Variants in RBFOX1 observed in about 807,000 individuals in gnomAD.
The protein encoded by RBFOX1 is RNA binding protein fox-1 homolog 1.
A neutral mutation model predicts 57.7 loss-of-function variants in RBFOX1; 8 were observed. The observed-to-expected ratio is 0.14, with a 90% CI of 0.08 to 0.25. RBFOX1 has a LOEUF of 0.25. Among genes scored for constraint, RBFOX1 ranks in the 10% least tolerant of loss-of-function variants. The probability of loss-of-function intolerance (pLI) is 1.00; values close to 1 mark genes in which losing one functional copy is unlikely to be tolerated. For missense variants in RBFOX1, 611 were observed against 548.5 expected (o/e 1.11, Z -1.14); for synonymous variants, 326 against 222.4 (o/e 1.47, Z -4.15).
At chr16:7,261,485 G>A (rs562653133) in intron 4 of RBFOX1, among the ~76,000 whole-genome samples, 18 of 152,054 alleles carry the variant, frequency 1.2e-4, no homozygotes, top group South Asian at 2.1e-4. Context: ...GTCCCTTGTC[G>A]TCTCCCTGCC....
chr16:7,645,912 G>A lies in RBFOX1; in HGVS notation c.758-7903G>A, dbSNP rs760933720. ...CGTTTTGGTCTTTCTATCAGTGACC[G>A]AAAGGATGGAAGCTTTCTCCCCCAC... On this transcript the variant is annotated intron_variant, in intron 11 of 15. Coordinates refer to ENST00000550418, the MANE Select transcript of RBFOX1 (RefSeq NM_018723.4). 1.3e-3 allele frequency among the ~76,000 whole-genome samples: 204 copies of A among 151,430 alleles called. 2 individuals carry two copies. The highest frequency in any genetic ancestry group is 2.1e-3 in the Non-Finnish European group (140 of 67,892).
intron 4 of RBFOX1, among the ~76,000 whole-genome samples, chr16:7,474,764 T>A (rs2062289583): frequency 6.6e-6 from 1 of 152,194 alleles, no homozygotes; most frequent in Admixed American, 6.5e-5. Context: ...ACTTCTAGAA[T>A]GTCTGGTGAG....
At chr16:7,588,710 G>C (rs536530373) in intron 7 of RBFOX1, among the ~76,000 whole-genome samples, 58 of 152,288 alleles carry the variant, frequency 3.8e-4, no homozygotes, top group African/African-American at 1.4e-3. Flanking sequence ...AAGTGTCACA[G>C]GCCACATTGC....
chr16:5,713,153 T>C (rs920866584), intron 3 of RBFOX1, among the ~76,000 whole-genome samples: 5 of 152,232 alleles, frequency 3.3e-5, no homozygotes, highest in Admixed American at 3.3e-4. Flanking sequence ...TGCTTCTGGA[T>C]TTCTTGTTCT....
intron 3 of RBFOX1, among the ~76,000 whole-genome samples, chr16:5,767,788 C>A (rs1403851176): frequency 6.6e-6 from 1 of 152,148 alleles, no homozygotes; most frequent in African/African-American, 2.4e-5. Flanking sequence ...GGGCCTAATA[C>A]TCAGCAGTAC....
intron 4 of RBFOX1, among the ~76,000 whole-genome samples, chr16:7,412,313 G>T (rs2098437153): frequency 6.6e-6 from 1 of 151,784 alleles, no homozygotes; most frequent in East Asian, 2.0e-4. Context: ...TCCTCATGAG[G>T]CTGAGGCAGG....
intron 4 of RBFOX1, among the ~76,000 whole-genome samples, chr16:7,185,188 A>G (rs981557048): frequency 4.8e-5 from 7 of 144,826 alleles, no homozygotes; most frequent in South Asian, 2.4e-4. Context: ...TAAATTTCAC[A>G]TTATACCTCT....
intron 3 of RBFOX1, among the ~76,000 whole-genome samples, chr16:6,669,261 G>T (rs771524816): frequency 1.5e-4 from 23 of 152,148 alleles, no homozygotes; most frequent in Non-Finnish European, 3.1e-4. Flanking sequence ...AACCATGCCC[G>T]TGTGTGTGCG....
chr16:6,957,881 G>T (rs761013596), intron 3 of RBFOX1, among the ~76,000 whole-genome samples: 9 of 152,152 alleles, frequency 5.9e-5, no homozygotes, highest in Non-Finnish European at 1.2e-4. Context: ...ATTAGTCAGA[G>T]CCCTTAAATG....
At chr16:7,037,192 A>T (rs1381661940) in intron 3 of RBFOX1, among the ~76,000 whole-genome samples, 1 of 141,930 alleles carries the variant, frequency 7.0e-6, no homozygotes, top group Non-Finnish European at 1.5e-5. Context: ...AGAATGCCTT[A>T]GCCATCTGGG....
chr16:6,075,554 G>C (rs764703758), intron 1 of RBFOX1, among the ~76,000 whole-genome samples: 1 of 152,176 alleles, frequency 6.6e-6, no homozygotes, highest in Non-Finnish European at 1.5e-5. Context: ...AAAGTCAATT[G>C]TAAGATTTAC....
intron 3 of RBFOX1, among the ~76,000 whole-genome samples, chr16:5,711,578 G>C (rs759574773): frequency 6.6e-6 from 1 of 152,196 alleles, no homozygotes; most frequent in Non-Finnish European, 1.5e-5. Flanking sequence ...GCAGGCAAAG[G>C]CCGTGGTCAT....
At chr16:7,474,760 A>G (rs964724945) in intron 4 of RBFOX1, among the ~76,000 whole-genome samples, 1 of 152,162 alleles carries the variant, frequency 6.6e-6, no homozygotes, top group African/African-American at 2.4e-5. Context: ...CTGGACTTCT[A>G]GAATGTCTGG....
chr16:6,299,670 T>C (rs940456929), intron 1 of RBFOX1, among the ~76,000 whole-genome samples: 2 of 152,196 alleles, frequency 1.3e-5, no homozygotes, highest in Admixed American at 6.5e-5. Context: ...AGATCCCTAA[T>C]GGATCCTTAA....
intron 3 of RBFOX1, among the ~76,000 whole-genome samples, chr16:6,905,975 A>C (rs549919890): frequency 6.6e-6 from 1 of 152,174 alleles, no homozygotes; most frequent in Non-Finnish European, 1.5e-5. Context: ...GCCAGGCTGC[A>C]GGGTCCTTCT....
At chr16:7,480,918 A>C (rs187485024) in intron 4 of RBFOX1, among the ~76,000 whole-genome samples, 2 of 151,560 alleles carry the variant, frequency 1.3e-5, no homozygotes, top group African/African-American at 2.4e-5. Context: ...AGGGAGGGGC[A>C]GGGGTAGGGG....
chr16:5,291,261 G>GTTTTT (rs71142610), intron 1 of RBFOX1, among the ~76,000 whole-genome samples: 6 of 118,812 alleles, frequency 5.0e-5, no homozygotes, highest in African/African-American at 2.0e-4. Context: ...TTTATCATTG[G>GTTTTT]TTTTTTTTTT....
intron 4 of RBFOX1, among the ~76,000 whole-genome samples, chr16:5,875,625 C>T (rs909728238): frequency 6.6e-6 from 1 of 152,104 alleles, no homozygotes; most frequent in Non-Finnish European, 1.5e-5. Flanking sequence ...TCATTCTAAG[C>T]TACAATAGGA....
At chr16:5,978,513 G>A (rs2152307521) in intron 4 of RBFOX1, among the ~76,000 whole-genome samples, 1 of 152,020 alleles carries the variant, frequency 6.6e-6, no homozygotes, top group East Asian at 1.9e-4. Context: ...TTACTATTAA[G>A]GCCACATTCT....
Sources: gnomAD v4.1 joint callset for allele counts (sites outside exome capture counted in the v4.1 genomes callset) on GRCh38, gnomAD v4.1.1 for gene constraint, MANE v1.5 for transcripts, NCBI Gene and HGNC (gene_info 2026-07-23, HGNC 2026-07-21) for gene names.